GNG7: variants seen among roughly 807,000 people sequenced by gnomAD.
GNG7 encodes guanine nucleotide-binding protein G(I)/G(S)/G(O) subunit gamma-7.
GNG7 carries 1 observed loss-of-function variant against 4.0 expected under a neutral mutation model. The ratio of observed to expected loss-of-function variants is 0.25; its 90% CI spans 0.09 to 1.18. The LOEUF is 1.18. GNG7 is among the 50% of genes most tolerant of loss of function. GNG7 has a pLI of 0.50. For missense variants in GNG7, 86 were observed against 91.9 expected, an observed-to-expected ratio of 0.94 and a Z score of 0.26; for synonymous variants, 34 against 36.9, an observed-to-expected ratio of 0.92 and a Z score of 0.29.
chr19:2,645,624 G>T (rs1458228327), intron 2 of GNG7, among the ~76,000 whole-genome samples: 1 of 152,076 alleles, frequency 6.6e-6, no homozygotes, highest in Non-Finnish European at 1.5e-5. Flanking sequence ...CGACCATCGG[G>T]TCCATTTCCA....
Position 2,514,953 on chromosome 19 carries a change from A to G in GNG7, c.*69T>C. On this transcript the variant is annotated 3_prime_UTR_variant, in exon 5 of 5. Transcript: ENST00000382159. ...TAATTACTGAATGATGCCCTGCCTGAGACAGAGACAGAGACAGAGAGAGAG... is the reference window on the plus strand; with the variant it reads ...TAATTACTGAATGATGCCCTGCCTGGGACAGAGACAGAGACAGAGAGAGAG... The G allele has an allele frequency of 7.9e-7, 1 of 1,269,360 alleles. No individual in the cohort carries two copies. The allele number at this position is 1,269,360 out of a possible 1,614,324, so 78.6% of individuals were successfully genotyped here.
chr19:2,682,911 C>T (rs1204376192), intron 1 of GNG7, among the ~76,000 whole-genome samples: 1 of 151,912 alleles, frequency 6.6e-6, no homozygotes, highest in African/African-American at 2.4e-5. Flanking sequence ...CTACTGCATT[C>T]TAGAAGATTC....
At chr19:2,519,146 C>CTTTTTTTTTT (rs71178282) in intron 4 of GNG7, among the ~76,000 whole-genome samples, 3 of 84,540 alleles carry the variant, frequency 3.5e-5, no homozygotes, top group Non-Finnish European at 6.6e-5. Flanking sequence ...TTTCTTGTTT[C>CTTTTTTTTTT]TTTTTTTTTT....
rs1332253018 is a variant in GNG7, at chr19:2,657,399, T to TATACAC, written c.-134-11120_-134-11119insGTGTAT. Among the ~76,000 whole-genome samples the TATACAC allele has an allele frequency of 7.3e-4, 59 of 80,508 alleles. 1 individual carries two copies. Among genetic ancestry groups the TATACAC allele is most frequent in the Non-Finnish European group, 9.9e-4 (42 of 42,518 alleles). The allele number at this position is 80,508 out of a possible 152,430, so 52.8% of individuals were successfully genotyped here. A position where few individuals can be genotyped will look rare whatever the true frequency, so the allele number is the denominator to read the frequency against. On this transcript the variant is annotated intron_variant, in intron 1 of 4. Coordinates refer to ENST00000382159, the MANE Select transcript of GNG7 (RefSeq NM_052847.3). ...ATATATATATATATATATATATATA[T>TATACAC]ACACATAATAACATTTATCCTAAAA...
rs932542356 is a variant in GNG7, at chr19:2,557,190, T to C, written c.-77-2002A>G. 2.0e-5 allele frequency among the ~76,000 whole-genome samples: 3 copies of C among 149,980 alleles called. No homozygotes were observed. The highest frequency in any genetic ancestry group is 7.4e-5 in the African/African-American group (3 of 40,366). ...CGCACACACGTACACACAAGACACG[T>C]GCACACACATTTGCATGCACACACA... On this transcript the variant is annotated intron_variant, in intron 2 of 4. Coordinates refer to ENST00000382159, the MANE Select transcript of GNG7 (RefSeq NM_052847.3). This position sits in a 1 kb window ranked among gnomAD's most constrained non-coding sequence, Gnocchi z 5.1.
chr19:2,605,925 T>A (rs555347048), intron 2 of GNG7, among the ~76,000 whole-genome samples: 1 of 152,292 alleles, frequency 6.6e-6, no homozygotes, highest in East Asian at 1.9e-4. Flanking sequence ...CTCTTTGTCC[T>A]ATAAGGGAAA....
intron 2 of GNG7, among the ~76,000 whole-genome samples, chr19:2,581,206 G>A (rs771388574): frequency 6.6e-6 from 1 of 152,030 alleles, no homozygotes; most frequent in African/African-American, 2.4e-5. Flanking sequence ...CGCAGGCCCA[G>A]CCTGAAAGTG....
chr19:2,519,148 T>C (rs1435429447), intron 4 of GNG7, among the ~76,000 whole-genome samples: 1 of 132,198 alleles, frequency 7.6e-6, no homozygotes, highest in African/African-American at 2.9e-5. Context: ...TCTTGTTTCT[T>C]TTTTTTTTTT....
chr19:2,613,619 G>C (rs1230605902), intron 2 of GNG7, among the ~76,000 whole-genome samples: 3 of 151,604 alleles, frequency 2.0e-5, no homozygotes, highest in African/African-American at 7.3e-5. Flanking sequence ...GGAATCTGTG[G>C]ATTCCCCTAA....
intron 2 of GNG7, among the ~76,000 whole-genome samples, chr19:2,607,863 C>T (rs893331287): frequency 6.6e-6 from 1 of 152,034 alleles, no homozygotes; most frequent in Admixed American, 6.6e-5. Flanking sequence ...GGCACGGAGG[C>T]TTTCTAGGGA....
At chr19:2,672,738 G>A (rs894456214) in intron 1 of GNG7, among the ~76,000 whole-genome samples, 2 of 151,902 alleles carry the variant, frequency 1.3e-5, no homozygotes, top group Non-Finnish European at 2.9e-5. Flanking sequence ...GAGCCACCGC[G>A]CCTGGTCTGT....
chr19:2,514,870 G>T lies in GNG7; in HGVS notation c.*152C>A. 1 of 644,698 alleles carries T rather than the reference G, an allele frequency of 1.6e-6. No homozygotes were observed. Among genetic ancestry groups the T allele is most frequent in the African/African-American group, 1.8e-5 (1 of 54,644 alleles). The allele number at this position is 644,698 out of a possible 1,614,324, so 39.9% of individuals were successfully genotyped here. A position where few individuals can be genotyped will look rare whatever the true frequency, so the allele number is the denominator to read the frequency against. On this transcript the variant is annotated 3_prime_UTR_variant, in exon 5 of 5. Transcript: ENST00000382159. ...GTGGGAACGCCTTTTTTGGCGGGGA[G>T]AGGGGGGATTTCTTTTGGAATTAAA...
chr19:2,521,501 G>A (rs944468801), intron 3 of GNG7, among the ~76,000 whole-genome samples: 3 of 152,000 alleles, frequency 2.0e-5, no homozygotes, highest in Non-Finnish European at 4.4e-5. Context: ...GCAGTGCCCC[G>A]GACGGCCCCA....
At chr19:2,631,655 C>T (rs1018254101) in intron 2 of GNG7, among the ~76,000 whole-genome samples, 1 of 151,930 alleles carries the variant, frequency 6.6e-6, no homozygotes, top group African/African-American at 2.4e-5. Context: ...GCCCAGGGAG[C>T]TGCAGTTTGT....
At chr19:2,667,863 C>T (rs954914009) in intron 1 of GNG7, among the ~76,000 whole-genome samples, 4 of 151,858 alleles carry the variant, frequency 2.6e-5, no homozygotes, top group African/African-American at 9.7e-5. Context: ...TACAGTGAGC[C>T]GAGATTGCAC....
rs141629840 is a variant in GNG7 at position 2,553,882 on chromosome 19, A to G, written c.-38+1267T>C. ...ATTATATGTAACATTGCATACATGTACATATTCTATGTAATATTACATACA... is the reference window on the plus strand; with the variant it reads ...ATTATATGTAACATTGCATACATGTGCATATTCTATGTAATATTACATACA... On this transcript the variant is annotated intron_variant, in intron 3 of 4. Transcript: ENST00000382159. Among the ~76,000 whole-genome samples the G allele has an allele frequency of 2.9e-3, 428 of 147,312 alleles. 2 individuals carry two copies. The highest frequency in any genetic ancestry group is 1.0e-2 in the African/African-American group (400 of 40,110).
rs569459205 is a variant in GNG7, at chr19:2,657,753, C to T, written c.-134-11473G>A. On this transcript the variant is annotated intron_variant, in intron 1 of 4. Transcript: ENST00000382159. ...CAGAAAAGTTGCAAATCTAGTCCAA[C>T]GTTCCCTATGGGCAGCAGGCAACCT... Among the ~76,000 whole-genome samples the T allele has an allele frequency of 4.6e-5, 7 of 152,238 alleles. No individual in the cohort carries two copies. The East Asian group carries it at 1.2e-3, about 25-fold the overall frequency.
intron 1 of GNG7, among the ~76,000 whole-genome samples, chr19:2,673,989 G>A (rs1199119529): frequency 1.3e-5 from 2 of 151,604 alleles, no homozygotes; most frequent in African/African-American, 2.4e-5. Context: ...TGAGGCCAGG[G>A]ACCGTGGCTC....
At position 2,609,313 on chromosome 19, in the gene GNG7, C is replaced by A. The variant is rs1434532366; in HGVS notation, c.-78+36911G>T. Among the ~76,000 whole-genome samples the A allele has an allele frequency of 1.3e-5, 2 of 152,166 alleles. No homozygotes were observed. The highest frequency in any genetic ancestry group is 2.9e-5 in the Non-Finnish European group (2 of 68,034). ...GAGCTGGGACTACAGGCACGTACCA[C>A]CCCACCCAGCTAATTTTTGTTTTAC... On this transcript the variant is annotated intron_variant, in intron 2 of 4. Transcript: ENST00000382159. The surrounding 1 kb of genome is among the most constrained non-coding windows in gnomAD (Gnocchi z 4.4).
Sources: allele counts gnomAD v4.1 joint callset (sites outside exome capture counted in the v4.1 genomes callset), GRCh38; gene constraint gnomAD v4.1.1; non-coding constraint Gnocchi (gnomAD v3.1); transcripts MANE v1.5; gene names NCBI Gene and HGNC (gene_info 2026-07-23, HGNC 2026-07-21).